Variants in UNC13C observed in about 807,000 individuals in gnomAD.
The protein encoded by UNC13C is unc-13 homolog C, also known as protein unc-13 homolog C.
A neutral mutation model predicts 245.4 loss-of-function variants in UNC13C; 174 were observed. That is an observed-to-expected ratio of 0.71 (90% CI 0.63 to 0.80). The LOEUF is 0.80. Ranked by LOEUF, UNC13C falls within the 30% of genes least tolerant of loss-of-function variation. The pLI, the probability that UNC13C is intolerant of heterozygous loss-of-function variation, is 0.00. For synonymous variants in UNC13C, 992 were observed against 895.1 expected (o/e 1.11, Z -1.93); for missense variants, 2,829 against 2,602.9 (o/e 1.09, Z -1.89).
At chr15:54,453,315 C>T (rs1891288504) in intron 19 of UNC13C, among the ~76,000 whole-genome samples, 1 of 152,140 alleles carries the variant, frequency 6.6e-6, no homozygotes, top group African/African-American at 2.4e-5. Flanking sequence ...TACCTTGCTT[C>T]TCTGTCCTTC....
chr15:54,484,750 CA>C (rs1195508410), intron 19 of UNC13C, among the ~76,000 whole-genome samples: 31 of 152,056 alleles, frequency 2.0e-4, no homozygotes, highest in African/African-American at 6.5e-4. Flanking sequence ...GAAATTCCTA[CA>C]GTTTGTTTTT....
At chr15:54,172,703 G>GATATATATATATAT (rs56316345) in intron 4 of UNC13C, among the ~76,000 whole-genome samples, 2 of 78,454 alleles carry the variant, frequency 2.5e-5, no homozygotes, top group South Asian at 5.2e-4. Flanking sequence ...TACACACACA[G>GATATATATATATAT]ATATATATAT....
At chr15:53,940,644 G>C in the UNC13C span, among the ~76,000 whole-genome samples, 2 of 152,202 alleles carry the variant, frequency 1.3e-5, no homozygotes, top group Admixed American at 1.3e-4. Flanking sequence ...TCGATGTGCA[G>C]AAATCAGTAG....
intron 14 of UNC13C, among the ~76,000 whole-genome samples, chr15:54,327,295 T>C (rs1655389650): frequency 6.6e-6 from 1 of 152,090 alleles, no homozygotes; most frequent in Admixed American, 6.6e-5. Flanking sequence ...TTTTATTGAC[T>C]GACCAACCTC....
the UNC13C span, among the ~76,000 whole-genome samples, chr15:53,875,432 T>C: frequency 1.3e-5 from 2 of 152,172 alleles, 1 homozygote; most frequent in South Asian, 4.1e-4. Context: ...CTGCACATTT[T>C]AGCTTGCCTG....
chr15:54,594,831 G>A (rs886600483), intron 30 of UNC13C, among the ~76,000 whole-genome samples: 2 of 152,190 alleles, frequency 1.3e-5, no homozygotes, highest in East Asian at 1.9e-4. Context: ...CCACCCAGTG[G>A]GTACCCCGAG....
At chr15:53,984,033 A>C (rs897639154) in intron 1 of UNC13C, among the ~76,000 whole-genome samples, 1 of 151,778 alleles carries the variant, frequency 6.6e-6, no homozygotes, top group Non-Finnish European at 1.5e-5. Flanking sequence ...GAATCTTCCA[A>C]TTGTTTTATC....
chr15:53,982,850 G>T (rs1470767734), intron 1 of UNC13C, among the ~76,000 whole-genome samples: 1 of 152,124 alleles, frequency 6.6e-6, no homozygotes, highest in African/African-American at 2.4e-5. Flanking sequence ...TATAAAAACT[G>T]CACTGTGCAG....
At chr15:54,027,239 AC>A (rs1896149787) in intron 2 of UNC13C, among the ~76,000 whole-genome samples, 1 of 151,802 alleles carries the variant, frequency 6.6e-6, no homozygotes, top group Admixed American at 6.6e-5. Flanking sequence ...ATCAGAGGCC[AC>A]CTTTTCTGTG....
In UNC13C at chr15:54,422,382, A is replaced by T. The variant is rs570240247; in HGVS notation, c.4933+7315A>T. On this transcript the variant is annotated intron_variant, in intron 19 of 32. Transcript: ENST00000260323. ...TTGCTTTCTTATGATCCATTAGCTC[A>T]TAACATTCAGATTGACTTTCACACA... Among the ~76,000 whole-genome samples, 24 of 152,160 alleles carry T rather than the reference A, an allele frequency of 1.6e-4. No individual in the cohort carries two copies. In the South Asian group the frequency reaches 1.7e-3, roughly 11 times the overall value.
intron 7 of UNC13C, among the ~76,000 whole-genome samples, chr15:54,238,076 G>GT (rs10645906): frequency 0.038 from 4,444 of 115,726 alleles, 256 homozygotes; most frequent in African/African-American, 0.05. Flanking sequence ...ACTTTTATAG[G>GT]TTTTTTTTTT....
At chr15:54,228,020 C>T (rs895327589) in intron 4 of UNC13C, among the ~76,000 whole-genome samples, 1 of 152,170 alleles carries the variant, frequency 6.6e-6, no homozygotes, top group Non-Finnish European at 1.5e-5. Flanking sequence ...TAGGAATCTA[C>T]CTGGTGCTCT....
At chr15:54,401,535 G>C (rs985421335) in intron 18 of UNC13C, among the ~76,000 whole-genome samples, 1 of 152,156 alleles carries the variant, frequency 6.6e-6, no homozygotes, top group Admixed American at 6.5e-5. Flanking sequence ...GACACTGAAA[G>C]TTTATGAATT....
the UNC13C span, among the ~76,000 whole-genome samples, chr15:53,954,227 C>T: frequency 6.6e-6 from 1 of 152,332 alleles, no homozygotes; most frequent in East Asian, 1.9e-4. Flanking sequence ...TGCATTCTTA[C>T]ATCATGTTCC....
At chr15:54,568,306 T>A (rs1377191182) in intron 30 of UNC13C, among the ~76,000 whole-genome samples, 1 of 152,092 alleles carries the variant, frequency 6.6e-6, no homozygotes, top group Non-Finnish European at 1.5e-5. Flanking sequence ...CTGGTCTTGG[T>A]ATCTTCCAAA....
At chr15:54,315,948 T>C (rs2037997747) in intron 13 of UNC13C, among the ~76,000 whole-genome samples, 1 of 151,818 alleles carries the variant, frequency 6.6e-6, no homozygotes, top group Non-Finnish European at 1.5e-5. Context: ...AGTTCAGACA[T>C]CCATCGTCTC....
intron 26 of UNC13C, among the ~76,000 whole-genome samples, chr15:54,536,079 C>T (rs774807536): frequency 2.6e-5 from 4 of 151,676 alleles, no homozygotes; most frequent in African/African-American, 9.7e-5. Flanking sequence ...ATTGGTAGAC[C>T]ACTAGCTAGA....
At chr15:54,156,634 G>C (rs2032758389) in intron 4 of UNC13C, among the ~76,000 whole-genome samples, 1 of 151,772 alleles carries the variant, frequency 6.6e-6, no homozygotes, top group Admixed American at 6.6e-5. Context: ...CATGTAACAG[G>C]GTATCCTTTC....
At chr15:53,846,256 T>A in the UNC13C span, among the ~76,000 whole-genome samples, 2 of 152,242 alleles carry the variant, frequency 1.3e-5, no homozygotes, top group Admixed American at 1.3e-4. Context: ...TGATCAGATC[T>A]TTGCATTCAC....
Sources: gnomAD v4.1 joint callset for allele counts (sites outside exome capture counted in the v4.1 genomes callset) on GRCh38, gnomAD v4.1.1 for gene constraint, MANE v1.5 for transcripts, NCBI Gene and HGNC (gene_info 2026-07-23, HGNC 2026-07-21) for gene names.